Variants in PCDH15 observed in about 807,000 individuals in gnomAD.
The protein encoded by PCDH15 is protocadherin-15.
In PCDH15, 129 loss-of-function variants were observed where a neutral mutation model predicts 178.5. That is an observed-to-expected ratio of 0.72 (90% CI 0.63 to 0.84). PCDH15 has a LOEUF of 0.84. PCDH15 is among the 40% of genes least tolerant of loss of function. The pLI is 0.00. For synonymous variants in PCDH15, 800 were observed against 732.0 expected (o/e 1.09, Z -1.50); for missense variants, 2,230 against 2,099.9 (o/e 1.06, Z -1.21).
intron 2 of PCDH15, among the ~76,000 whole-genome samples, chr10:54,977,041 T>C (rs546876761): frequency 6.6e-6 from 1 of 152,282 alleles, no homozygotes; most frequent in South Asian, 2.1e-4. Flanking sequence ...AAAATGACCA[T>C]AAAGAACAAT....
intron 3 of PCDH15, among the ~76,000 whole-genome samples, chr10:54,894,316 C>G (rs780398128): frequency 9.9e-5 from 15 of 152,104 alleles, no homozygotes; most frequent in Non-Finnish European, 1.9e-4. Context: ...GTAAAACACA[C>G]TTCAGGTTAG....
chr10:55,077,910 G>A (rs938422419), intron 2 of PCDH15, among the ~76,000 whole-genome samples: 5 of 152,032 alleles, frequency 3.3e-5, no homozygotes, highest in Non-Finnish European at 7.4e-5. Context: ...ATTACTTTGC[G>A]AGTGAGTTTT....
At chr10:55,012,236 T>C (rs80021957) in intron 2 of PCDH15, among the ~76,000 whole-genome samples, 20,380 of 152,132 alleles carry the variant, frequency 0.13, 1,486 homozygotes, top group Middle Eastern at 0.21. Context: ...AAAAGATATA[T>C]TAAAAATATT....
At chr10:54,049,673 T>G (rs2093727234) in intron 18 of PCDH15, among the ~76,000 whole-genome samples, 1 of 152,032 alleles carries the variant, frequency 6.6e-6, no homozygotes, top group South Asian at 2.1e-4. Flanking sequence ...CAGGCTGGCA[T>G]GCAATGGCGC....
At chr10:55,561,811 G>C (rs1842206211) in intron 2 of PCDH15, among the ~76,000 whole-genome samples, 2 of 151,860 alleles carry the variant, frequency 1.3e-5, no homozygotes, top group South Asian at 4.1e-4. Flanking sequence ...ATAGAAAAAA[G>C]AAAGTAGCAT....
intron 3 of PCDH15, among the ~76,000 whole-genome samples, chr10:54,896,231 A>C (rs1332098212): frequency 1.3e-5 from 2 of 152,148 alleles, no homozygotes; most frequent in Non-Finnish European, 2.9e-5. Context: ...CAAATCAGTT[A>C]TTTTTTATTT....
At chr10:54,382,692 A>G (rs1014439835) in intron 3 of PCDH15, among the ~76,000 whole-genome samples, 33 of 152,162 alleles carry the variant, frequency 2.2e-4, no homozygotes, top group African/African-American at 8.0e-4. Context: ...ACCTGATTGA[A>G]CTTGGAAGCA....
intron 10 of PCDH15, among the ~76,000 whole-genome samples, chr10:54,211,040 A>G (rs1212486568): frequency 6.6e-6 from 1 of 152,136 alleles, no homozygotes; most frequent in Non-Finnish European, 1.5e-5. Flanking sequence ...TGCCTGAAGT[A>G]TAAATATATC....
intron 2 of PCDH15, among the ~76,000 whole-genome samples, chr10:55,143,138 C>A (rs1838399287): frequency 6.6e-6 from 1 of 152,110 alleles, no homozygotes; most frequent in African/African-American, 2.4e-5. Flanking sequence ...TCCCCTTTAC[C>A]TTCTGCCACG....
intron 2 of PCDH15, among the ~76,000 whole-genome samples, chr10:54,635,379 C>CAT (rs1262524230): frequency 8.7e-6 from 1 of 115,004 alleles, no homozygotes; most frequent in Non-Finnish European, 2.1e-5. Context: ...TAATTCATCT[C>CAT]ATATATGTAT....
chr10:54,236,116 G>T (rs1318262051), intron 9 of PCDH15, among the ~76,000 whole-genome samples: 2 of 152,122 alleles, frequency 1.3e-5, no homozygotes, highest in Non-Finnish European at 2.9e-5. Context: ...CACTTCAAAA[G>T]AAGCCCTTTC....
chr10:53,832,056 T>TTTTG lies in PCDH15; in HGVS notation c.3984-524_3984-523insCAAA, dbSNP rs2077046722. Among the ~76,000 whole-genome samples the TTTTG allele has an allele frequency of 1.1e-4, 16 of 151,944 alleles. 1 individual carries two copies. Among genetic ancestry groups the TTTTG allele is most frequent in the African/African-American group, 3.9e-4 (16 of 41,300 alleles). On this transcript the variant is annotated intron_variant, in intron 29 of 37. Transcript: ENST00000644397. ...ACTCAAACTCTGTATTTGTTTGCCATAACACCATCTTAAAAGTAAACATTC... is the reference window on the plus strand; with the variant it reads ...ACTCAAACTCTGTATTTGTTTGCCATTTTGAACACCATCTTAAAAGTAAACATTC...
At chr10:53,837,635 C>T (rs969001882) in intron 29 of PCDH15, among the ~76,000 whole-genome samples, 1 of 152,002 alleles carries the variant, frequency 6.6e-6, no homozygotes, top group Non-Finnish European at 1.5e-5. Context: ...TTGACCTGGA[C>T]CGGCATCTTA....
At chr10:54,040,285 G>A (rs1359724827) in intron 18 of PCDH15, among the ~76,000 whole-genome samples, 1 of 151,874 alleles carries the variant, frequency 6.6e-6, no homozygotes, top group Non-Finnish European at 1.5e-5. Flanking sequence ...ACTGAATCAT[G>A]GGGGCGGTTT....
At chr10:55,557,544 C>G (rs1454197747) in intron 2 of PCDH15, among the ~76,000 whole-genome samples, 1 of 152,024 alleles carries the variant, frequency 6.6e-6, no homozygotes, top group Non-Finnish European at 1.5e-5. Context: ...GAGACGATAG[C>G]CCCCTTGTCA....
intron 1 of PCDH15, among the ~76,000 whole-genome samples, chr10:55,174,561 T>C (rs977943311): frequency 5.3e-5 from 8 of 152,322 alleles, no homozygotes; most frequent in Middle Eastern, 3.4e-3. Context: ...CCTTGCATGA[T>C]ATTCCAAAGC....
At chr10:54,085,032 C>A (rs1347365359) in intron 16 of PCDH15, among the ~76,000 whole-genome samples, 2 of 151,994 alleles carry the variant, frequency 1.3e-5, no homozygotes, top group East Asian at 3.9e-4. Context: ...GTATTGACAG[C>A]AGTTTGGGGA....
In PCDH15 at chr10:54,746,098, AG is replaced by A. The variant is rs369239294; in HGVS notation, c.-29+54826del. On this transcript the variant is annotated intron_variant, in intron 1 of 37. Transcript: ENST00000644397. ...GTTATCTTGCACTCTTATGTACAAT[AG>A]GGTTTCTCAAGCACAGCACTATTCG... 6.0e-4 allele frequency among the ~76,000 whole-genome samples: 92 copies of A among 152,256 alleles called. 1 individual carries two copies. The East Asian group carries it at 0.013, about 22-fold the overall frequency.
chr10:55,372,042 AAAG>A (rs1845519429), intron 2 of PCDH15, among the ~76,000 whole-genome samples: 1 of 152,166 alleles, frequency 6.6e-6, no homozygotes. Flanking sequence ...TAGATATTTT[AAAG>A]AAGAATAATT....
Sources: gnomAD v4.1 joint callset for allele counts (sites outside exome capture counted in the v4.1 genomes callset) on GRCh38, gnomAD v4.1.1 for gene constraint, MANE v1.5 for transcripts, NCBI Gene and HGNC (gene_info 2026-07-23, HGNC 2026-07-21) for gene names.